Variants in LRRC31 observed in about 807,000 individuals in gnomAD.
The protein encoded by LRRC31 is leucine-rich repeat-containing protein 31.
Under a neutral mutation model 46.7 loss-of-function variants are expected in LRRC31, and 35 were observed. That is an observed-to-expected ratio of 0.75 (90% CI 0.57 to 0.99). The LOEUF is 0.99. Among genes scored for constraint, LRRC31 ranks in the 50% least tolerant of loss-of-function variants. The probability of loss-of-function intolerance (pLI) is 0.00; values close to 1 mark genes in which losing one functional copy is unlikely to be tolerated. For missense variants in LRRC31, 613 were observed against 626.1 expected, an observed-to-expected ratio of 0.98 and a Z score of 0.22; for synonymous variants, 236 against 235.1, an observed-to-expected ratio of 1.00 and a Z score of -0.03.
intron 1 of LRRC31, among the ~76,000 whole-genome samples, chr3:169,867,246 CTTTT>C (rs757102934): frequency 2.5e-5 from 2 of 78,772 alleles, no homozygotes. Context: ...GAGATGGAGT[CTTTT>C]TTTTTTTTTT....
intron 7 of LRRC31, among the ~76,000 whole-genome samples, chr3:169,850,262 C>T (rs922023604): frequency 6.6e-6 from 1 of 152,224 alleles, no homozygotes; most frequent in Non-Finnish European, 1.5e-5. Flanking sequence ...TTCTTGCCCT[C>T]CTTTTCGGCC....
chr3:169,863,554 T>C (rs1781237908), intron 1 of LRRC31, among the ~76,000 whole-genome samples: 1 of 152,232 alleles, frequency 6.6e-6, no homozygotes, highest in Non-Finnish European at 1.5e-5. Flanking sequence ...AAACCACACG[T>C]AGGATACGCG....
Position 169,856,872 on chromosome 3 carries a change from C to G in LRRC31, c.488G>C (p.Gly163Ala). 1 of 1,597,242 alleles carries G rather than the reference C, an allele frequency of 6.3e-7. No individual in the cohort carries two copies. Among genetic ancestry groups the G allele is most frequent in the South Asian group, 1.1e-5 (1 of 87,494 alleles). The part of the protein sequence containing the change: ...RLTTDDVQAL[G>A]EAFEMIPELE... ...TTCAGGAATCATCTCAAATGCTTCT[C>G]CTGTTAACAAATGGCCCGAAAATTC... Residue 163 changes from glycine (G) to alanine (A), a missense_variant and splice_region_variant, in exon 4 of 9, where the codon GGA (glycine) becomes GCA (alanine). By Grantham distance (60) the Gly-to-Ala change is moderately conservative (BLOSUM62 0). Transcript: ENST00000316428.
In LRRC31 at chr3:169,854,847, C is replaced by G; in HGVS notation, c.957G>C (p.Gln319His). 1 of 1,613,722 alleles carries G rather than the reference C, an allele frequency of 6.2e-7. No individual in the cohort carries two copies. The highest frequency in any genetic ancestry group is 8.5e-7 in the Non-Finnish European group (1 of 1,179,738). Reference protein sequence around the residue: ...LKHLQVLDLHQCSLTADDVMS... With the variant: ...LKHLQVLDLHHCSLTADDVMS... ...TCACGTCATCTGCTGTTAGTGAGCA[C>G]TGGTGAAGATCTAGGACTTGTAGAT... is the stretch of plus-strand genomic sequence containing the variant. The change falls in exon 6 of 9, where the codon CAG becomes CAC. Residue 319 changes from glutamine (Q) to histidine (H), a missense_variant. By Grantham distance (24) the Gln-to-His change is conservative. Transcript: ENST00000316428.
Position 169,840,000 on chromosome 3 carries a change from G to A in LRRC31, c.1641C>T (p.Asp547=), listed in dbSNP as rs1207349471. 6 of 1,612,282 alleles carry A rather than the reference G, an allele frequency of 3.7e-6. No individual in the cohort carries two copies. The highest frequency in any genetic ancestry group is 5.1e-6 in the Non-Finnish European group (6 of 1,179,156). Residue 547 remains aspartate (D), a synonymous_variant, in exon 9 of 9, where the codon GAC becomes GAT. Transcript: ENST00000316428. The stretch of plus-strand genomic sequence containing the variant: ...AATCAGTTTACTGAAACCCACCATG[G>A]TCAAAGTGAATGCTTCTTTTTTTAT... ...DQDKKRSIHF[D]HGGFQ is the part of the protein sequence containing the mutation.
At chr3:169,863,585 GTTACCACATT>G (rs1337495327) in intron 1 of LRRC31, among the ~76,000 whole-genome samples, 1 of 152,200 alleles carries the variant, frequency 6.6e-6, no homozygotes, top group African/African-American at 2.4e-5. Context: ...GATGCTTGGT[GTTACCACATT>G]TCACCAGTAG....
Position 169,854,812 on chromosome 3 carries a change from C to T in LRRC31, c.991+1G>A. 1 of 1,608,990 alleles carries T rather than the reference C, an allele frequency of 6.2e-7. No individual in the cohort carries two copies. On this transcript the variant is annotated splice_donor_variant, in intron 6 of 8. Coordinates refer to ENST00000316428, the MANE Select transcript of LRRC31 (RefSeq NM_024727.4). LOFTEE classifies it high-confidence loss of function. The stretch of plus-strand genomic sequence containing the variant: ...TCCTTTGCTCTGCAATATATACTTA[C>T]TCAGTGACATCACGTCATCTGCTGT...
At chr3:169,843,960 C>T (rs949481042) in intron 8 of LRRC31, among the ~76,000 whole-genome samples, 5 of 152,094 alleles carry the variant, frequency 3.3e-5, no homozygotes, top group Admixed American at 1.3e-4. Context: ...AAATTGAATT[C>T]GTAATTTAAA....
At chr3:169,844,122 C>A (rs1419130933) in intron 8 of LRRC31, among the ~76,000 whole-genome samples, 1 of 152,038 alleles carries the variant, frequency 6.6e-6, no homozygotes, top group Non-Finnish European at 1.5e-5. Context: ...GCTACCTATA[C>A]CCTCATAACA....
intron 1 of LRRC31, among the ~76,000 whole-genome samples, chr3:169,866,648 G>A (rs958176076): frequency 6.6e-6 from 1 of 152,066 alleles, no homozygotes; most frequent in Non-Finnish European, 1.5e-5. Context: ...TGGAAGGGAG[G>A]GTAGGTATAA....
At chr3:169,846,260 T>C (rs1780601379) in intron 8 of LRRC31, among the ~76,000 whole-genome samples, 1 of 152,268 alleles carries the variant, frequency 6.6e-6, no homozygotes, top group Non-Finnish European at 1.5e-5. Context: ...AATCTGAGTA[T>C]AATGCAAATT....
intron 7 of LRRC31, among the ~76,000 whole-genome samples, chr3:169,849,972 C>T (rs1560624649): frequency 6.6e-6 from 1 of 152,118 alleles, no homozygotes; most frequent in Admixed American, 6.5e-5. Context: ...AGGCCTGCTA[C>T]GTTAACTCTT....
intron 1 of LRRC31, among the ~76,000 whole-genome samples, chr3:169,863,202 A>T (rs901744035): frequency 2.6e-5 from 4 of 152,272 alleles, no homozygotes; most frequent in African/African-American, 9.6e-5. Flanking sequence ...CATTTAAGAC[A>T]TACATAAAAC....
intron 3 of LRRC31, among the ~76,000 whole-genome samples, chr3:169,857,975 G>A (rs751060242): frequency 3.9e-5 from 6 of 152,102 alleles, no homozygotes; most frequent in Non-Finnish European, 8.8e-5. Flanking sequence ...CCAGGCTCAG[G>A]GAGAAAGAGC....
At chr3:169,867,606 T>C (rs938472079) in intron 1 of LRRC31, among the ~76,000 whole-genome samples, 1 of 149,886 alleles carries the variant, frequency 6.7e-6, no homozygotes, top group Admixed American at 6.6e-5. Flanking sequence ...CTACTGGCCT[T>C]AAGCGATCCT....
In LRRC31 at chr3:169,857,318, CTATA is replaced by C. The variant is rs34162537; in HGVS notation, c.488-450_488-447del. Among the ~76,000 whole-genome samples the C allele has an allele frequency of 7.6e-3, 502 of 66,436 alleles. 20 individuals are homozygous for C. The highest frequency in any genetic ancestry group is 0.028 in the South Asian group (54 of 1,916). The allele number at this position is 66,436 out of a possible 152,430, so 43.6% of individuals were successfully genotyped here. ...CTCCAATGTCAAGAATATCACATGC[CTATA>C]TATATATATATATATATATATATAC... On this transcript the variant is annotated intron_variant, in intron 3 of 8. Coordinates refer to ENST00000316428, the MANE Select transcript of LRRC31 (RefSeq NM_024727.4).
At chr3:169,842,712 A>G (rs965058164) in intron 8 of LRRC31, among the ~76,000 whole-genome samples, 4 of 152,208 alleles carry the variant, frequency 2.6e-5, no homozygotes, top group African/African-American at 9.7e-5. Context: ...AAAATGTAAA[A>G]GTATAAATTT....
At position 169,853,037 on chromosome 3, in the gene LRRC31, T is replaced by G. The variant is rs149488865; in HGVS notation, c.992-1251A>C. Among the ~76,000 whole-genome samples the G allele has an allele frequency of 1.6e-4, 24 of 152,310 alleles. No individual in the cohort carries two copies. The East Asian group carries it at 4.2e-3, about 27-fold the overall frequency. On this transcript the variant is annotated intron_variant, in intron 6 of 8. Transcript: ENST00000316428. ...GCAGGGAAGGCAGATAGATGGGCAC[T>G]TGTAAAGTCAACAGGTGTAACTATT...
At position 169,839,927 on chromosome 3, in the gene LRRC31, A is replaced by T. The variant is rs893300192; in HGVS notation, c.*55T>A. 7.0e-7 allele frequency: 1 copy of T among 1,424,768 alleles called. No individual in the cohort carries two copies. Among genetic ancestry groups the T allele is most frequent in the East Asian group, 2.3e-5 (1 of 43,752 alleles). The allele number at this position is 1,424,768 out of a possible 1,614,324, so 88.3% of individuals were successfully genotyped here. ...CAGTTCATGACTCTGGAATTCGTTC[A>T]TGTTCTTTTCCTTTGGAGAATGGTT... On this transcript the variant is annotated 3_prime_UTR_variant, in exon 9 of 9. Coordinates refer to ENST00000316428, the MANE Select transcript of LRRC31 (RefSeq NM_024727.4).
Sources: allele counts gnomAD v4.1 joint callset (sites outside exome capture counted in the v4.1 genomes callset), GRCh38; gene constraint gnomAD v4.1.1; transcripts MANE v1.5; gene names NCBI Gene and HGNC (gene_info 2026-07-23, HGNC 2026-07-21).